SGPP2: variants seen among roughly 807,000 people sequenced by gnomAD.
SGPP2 encodes the protein sphingosine 1-phosphate phosphohydrolase 2.
Under a neutral mutation model 33.9 loss-of-function variants are expected in SGPP2, and 30 were observed. That is an observed-to-expected ratio of 0.89 (90% CI 0.66 to 1.20). The LOEUF (loss-of-function observed/expected upper bound fraction) is 1.20. SGPP2 is among the 50% of genes most tolerant of loss of function. The probability of loss-of-function intolerance (pLI) is 0.00; values close to 1 mark genes in which losing one functional copy is unlikely to be tolerated. For missense variants in SGPP2, 458 were observed against 532.1 expected, an observed-to-expected ratio of 0.86 and a Z score of 1.37; for synonymous variants, 233 against 225.0, an observed-to-expected ratio of 1.04 and a Z score of -0.32.
chr2:222,524,898 G>A, intron 3 of SGPP2, 46 bp from the exon 4 acceptor site: 1 of 1,440,378 alleles, frequency 6.9e-7, no homozygotes. Flanking sequence ...AATCATGTAT[G>A]TCTGAGTGTG....
intron 2 of SGPP2, among the ~76,000 whole-genome samples, chr2:222,519,844 TTTG>T (rs1267006798): frequency 6.6e-6 from 1 of 152,218 alleles, no homozygotes; most frequent in Non-Finnish European, 1.5e-5. Context: ...AGAACATGAT[TTTG>T]TTCTTTTTTA....
At chr2:222,459,782 G>A (rs1697631755) in intron 1 of SGPP2, among the ~76,000 whole-genome samples, 1 of 152,110 alleles carries the variant, frequency 6.6e-6, no homozygotes, top group Non-Finnish European at 1.5e-5. Flanking sequence ...TCAACTCCAT[G>A]CTCTTCCTGA....
At chr2:222,504,793 A>G (rs1698419800) in intron 2 of SGPP2, 1 of 152,320 alleles carries the variant, frequency 6.6e-6, no homozygotes, top group Non-Finnish European at 1.5e-5. Flanking sequence ...CAGCCTGGTA[A>G]CTAGGCACCC....
chr2:222,539,642 G>GT (rs1698962895), intron 4 of SGPP2, among the ~76,000 whole-genome samples: 1 of 152,230 alleles, frequency 6.6e-6, no homozygotes. Flanking sequence ...TAGTCCTGCT[G>GT]TTGGAGCTCA....
chr2:222,488,623 G>T (rs1698148221), intron 2 of SGPP2, among the ~76,000 whole-genome samples: 1 of 152,164 alleles, frequency 6.6e-6, no homozygotes, highest in Non-Finnish European at 1.5e-5. Flanking sequence ...TAGGAATCAT[G>T]TGGCCTTACA....
intron 4 of SGPP2, among the ~76,000 whole-genome samples, chr2:222,531,172 C>A (rs746277733): frequency 6.6e-6 from 1 of 152,158 alleles, no homozygotes; most frequent in Non-Finnish European, 1.5e-5. Context: ...CAAGAGAACA[C>A]AGAGACATAA....
chr2:222,454,014 G>A (rs187761868), intron 1 of SGPP2, among the ~76,000 whole-genome samples: 8 of 152,320 alleles, frequency 5.3e-5, no homozygotes, highest in Non-Finnish European at 8.8e-5. Flanking sequence ...TTTGATAAGC[G>A]TGCTAGAGAA....
chr2:222,440,755 T>C (rs1697312731), intron 1 of SGPP2, among the ~76,000 whole-genome samples: 1 of 152,200 alleles, frequency 6.6e-6, no homozygotes, highest in African/African-American at 2.4e-5. Context: ...CTTCCAGTTG[T>C]CTTTTTTTCC....
chr2:222,558,226 A>G lies in SGPP2; in HGVS notation c.649-121A>G, dbSNP rs944547045. On this transcript the variant is annotated intron_variant, in intron 4 of 4. Transcript: ENST00000321276. ...TACACTTTCTTTGAACATGTACTGT[A>G]AAATAAAACAATGCAAAAATTGTGT... The G allele has an allele frequency of 2.6e-6, 3 of 1,136,282 alleles. No individual in the cohort carries two copies. In the African/African-American group the frequency reaches 4.7e-5, roughly 18 times the overall value. The allele number at this position is 1,136,282 out of a possible 1,614,324, so 70.4% of individuals were successfully genotyped here.
At chr2:222,507,893 A>G (rs1257612713) in intron 2 of SGPP2, among the ~76,000 whole-genome samples, 1 of 152,256 alleles carries the variant, frequency 6.6e-6, no homozygotes, top group East Asian at 1.9e-4. Context: ...CCTGTCATGA[A>G]CATTTAGCTT....
At chr2:222,522,042 T>G in intron 3 of SGPP2, 96 bp downstream of exon 3, 2 of 1,148,958 alleles carry the variant, frequency 1.7e-6, no homozygotes, top group Non-Finnish European at 2.4e-6. Flanking sequence ...TGAGGGACCT[T>G]AAGGTTTATG....
At chr2:222,451,486 C>A (rs2106076034) in intron 1 of SGPP2, among the ~76,000 whole-genome samples, 1 of 152,320 alleles carries the variant, frequency 6.6e-6, no homozygotes, top group East Asian at 1.9e-4. Context: ...GCACCTAAAC[C>A]CTACACGCTC....
chr2:222,474,669 A>G lies in SGPP2; in HGVS notation c.321A>G (p.Pro107=), dbSNP rs758644991. Residue 107 remains proline (P), a synonymous_variant, in exon 2 of 5, where the codon CCA becomes CCG. Coordinates refer to ENST00000321276, the MANE Select transcript of SGPP2 (RefSeq NM_152386.4). ...GQEVFYITFL[P]FTHWNIDPYL... is the part of the protein sequence containing the mutation. ...AAGTGTTCTACATCACGTTTCTTCC[A>G]TTCACTCACTGGAATATTGACCCTT... is the stretch of plus-strand genomic sequence containing the variant. The G allele has an allele frequency of 1.2e-6, 2 of 1,614,024 alleles. No homozygotes were observed. Among genetic ancestry groups the G allele is most frequent in the Middle Eastern group, 1.6e-4 (1 of 6,062 alleles).
rs1440757375 is a variant in SGPP2, at chr2:222,562,041, T to G, written c.*3143T>G. ...CCTACTGGTTTGGCTTCAGTCTAGG[T>G]CCACCATCCCTCTCGATCTGGCATC... On this transcript the variant is annotated 3_prime_UTR_variant, in exon 5 of 5. Coordinates refer to ENST00000321276, the MANE Select transcript of SGPP2 (RefSeq NM_152386.4). 6.6e-6 allele frequency among the ~76,000 whole-genome samples: 1 copy of G among 152,084 alleles called. No homozygotes were observed. Among genetic ancestry groups the G allele is most frequent in the African/African-American group, 2.4e-5 (1 of 41,408 alleles).
At chr2:222,505,560 A>G (rs1390180623) in intron 2 of SGPP2, among the ~76,000 whole-genome samples, 1 of 152,228 alleles carries the variant, frequency 6.6e-6, no homozygotes, top group Non-Finnish European at 1.5e-5. Flanking sequence ...GTATGTCATG[A>G]ATGCATAAAA....
At chr2:222,429,852 A>T (rs1004971718) in intron 1 of SGPP2, among the ~76,000 whole-genome samples, 2 of 152,228 alleles carry the variant, frequency 1.3e-5, no homozygotes, top group Admixed American at 6.5e-5. Context: ...AGGGCAAACC[A>T]CTACGAGGGC....
In SGPP2 at chr2:222,460,352, A is replaced by G. The variant is rs1440204337; in HGVS notation, c.220-14216A>G. 6.6e-6 allele frequency among the ~76,000 whole-genome samples: 1 copy of G among 152,120 alleles called. No homozygotes were observed. The highest frequency in any genetic ancestry group is 1.5e-5 in the Non-Finnish European group (1 of 67,990). On this transcript the variant is annotated intron_variant, in intron 1 of 4. Transcript: ENST00000321276. This position sits in a 1 kb window ranked among gnomAD's most constrained non-coding sequence, Gnocchi z 4.3. ...TCAGATGTGAGGTGGGAGCGCAGGG[A>G]GGCTCCAGTGGGGCTGCTGGGCTGT... is the stretch of plus-strand genomic sequence containing the variant.
At chr2:222,527,596 T>C (rs113072519) in intron 4 of SGPP2, among the ~76,000 whole-genome samples, 2 of 152,210 alleles carry the variant, frequency 1.3e-5, no homozygotes, top group Non-Finnish European at 2.9e-5. Context: ...CCGCCCCCTT[T>C]TGGGAGCATT....
intron 2 of SGPP2, among the ~76,000 whole-genome samples, chr2:222,495,086 G>A (rs1281203874): frequency 6.6e-6 from 1 of 152,078 alleles, no homozygotes; most frequent in African/African-American, 2.4e-5. Context: ...TTGAAAACCT[G>A]AAGGAGTTTG....
Sources: gnomAD v4.1 joint callset for allele counts (sites outside exome capture counted in the v4.1 genomes callset) on GRCh38, gnomAD v4.1.1 for gene constraint, Gnocchi (gnomAD v3.1) non-coding constraint, MANE v1.5 for transcripts, NCBI Gene and HGNC (gene_info 2026-07-23, HGNC 2026-07-21) for gene names.